NFIA: variants seen among roughly 807,000 people sequenced by gnomAD.
The protein encoded by NFIA is nuclear factor 1 A-type.
NFIA carries 8 observed loss-of-function variants against 62.8 expected under a neutral mutation model. The observed-to-expected ratio is 0.13, with a 90% CI of 0.07 to 0.23. The LOEUF is 0.23. Among genes scored for constraint, NFIA ranks in the 10% least tolerant of loss-of-function variants. The pLI is 1.00. For missense variants in NFIA, 410 were observed against 642.1 expected, an observed-to-expected ratio of 0.64 and a Z score of 3.91; for synonymous variants, 235 against 238.1, an observed-to-expected ratio of 0.99 and a Z score of 0.12.
chr1:61,190,937 T>C (rs1651571183), intron 2 of NFIA, among the ~76,000 whole-genome samples: 1 of 152,172 alleles, frequency 6.6e-6, no homozygotes, highest in South Asian at 2.1e-4. Context: ...TCTGGTACTA[T>C]AAAAAGCCAA....
chr1:61,413,615 CTTTTTTTTTTTTTTT>C (rs869258274), intron 9 of NFIA, among the ~76,000 whole-genome samples: 1 of 68,374 alleles, frequency 1.5e-5, no homozygotes, highest in Admixed American at 2.3e-4. Context: ...AAGTATTTTG[CTTTTTTTTTTTTTTT>C]TTTTTTTTTT....
intron 2 of NFIA, among the ~76,000 whole-genome samples, chr1:61,141,559 A>G (rs1436650011): frequency 6.6e-6 from 1 of 152,238 alleles, no homozygotes; most frequent in African/African-American, 2.4e-5. Flanking sequence ...TGAGCTATTT[A>G]GCACGAAGTG....
chr1:61,386,171 A>G (rs1309924220), intron 7 of NFIA, among the ~76,000 whole-genome samples: 1 of 152,222 alleles, frequency 6.6e-6, no homozygotes, highest in Non-Finnish European at 1.5e-5. Flanking sequence ...GCTTGGAATG[A>G]TACCACATTT....
At chr1:61,232,617 G>A (rs1654747629) in intron 2 of NFIA, among the ~76,000 whole-genome samples, 1 of 152,092 alleles carries the variant, frequency 6.6e-6, no homozygotes, top group Non-Finnish European at 1.5e-5. Context: ...TTTCAAACTT[G>A]CTGGCCTGTA....
intron 9 of NFIA, among the ~76,000 whole-genome samples, chr1:61,422,606 G>A (rs367651023): frequency 3.3e-5 from 5 of 152,138 alleles, no homozygotes; most frequent in East Asian, 3.9e-4. Context: ...CGTAGAGGCC[G>A]TTCAGTCCTC....
At chr1:61,191,129 G>T (rs1651587394) in intron 2 of NFIA, among the ~76,000 whole-genome samples, 1 of 151,412 alleles carries the variant, frequency 6.6e-6, no homozygotes, top group Non-Finnish European at 1.5e-5. Context: ...ACAATGCTTA[G>T]CTACATTAAT....
At chr1:61,121,122 T>C (rs1646880279) in intron 2 of NFIA, among the ~76,000 whole-genome samples, 1 of 152,228 alleles carries the variant, frequency 6.6e-6, no homozygotes, top group Admixed American at 6.5e-5. Context: ...GGACAGCGTG[T>C]GACTTGTGTA....
intron 2 of NFIA, among the ~76,000 whole-genome samples, chr1:61,238,962 A>G (rs144531664): frequency 1.1e-4 from 17 of 152,342 alleles, no homozygotes; most frequent in African/African-American, 4.1e-4. Flanking sequence ...TTTCTTTTCC[A>G]TAAATTGATT....
chr1:61,370,520 G>A (rs76276668), intron 6 of NFIA, among the ~76,000 whole-genome samples: 12,102 of 152,196 alleles, frequency 0.08, 566 homozygotes, highest in Middle Eastern at 0.12. Flanking sequence ...GAATGGCAAA[G>A]CTCATTAAAT....
chr1:61,443,820 C>T (rs1034279711), intron 10 of NFIA, among the ~76,000 whole-genome samples: 1 of 152,196 alleles, frequency 6.6e-6, no homozygotes, highest in Admixed American at 6.5e-5. Flanking sequence ...TTTCTCTGAA[C>T]TCCTTGACCC....
intron 2 of NFIA, among the ~76,000 whole-genome samples, chr1:61,183,274 G>A (rs556182393): frequency 6.6e-6 from 1 of 152,312 alleles, no homozygotes; most frequent in African/African-American, 2.4e-5. Context: ...TGGGAATTGG[G>A]AGGTTTGTAG....
chr1:61,216,976 G>A (rs558671743), intron 2 of NFIA, among the ~76,000 whole-genome samples: 1 of 151,408 alleles, frequency 6.6e-6, no homozygotes, highest in Admixed American at 6.6e-5. Context: ...CTCCAGCCTG[G>A]GTGACAGAAT....
chr1:61,315,708 T>G (rs893932232), intron 3 of NFIA, among the ~76,000 whole-genome samples: 6 of 152,238 alleles, frequency 3.9e-5, no homozygotes, highest in African/African-American at 1.4e-4. Flanking sequence ...GTTGACATTA[T>G]GTAGCCTGTT....
At chr1:61,162,114 A>G (rs1474788555) in intron 2 of NFIA, among the ~76,000 whole-genome samples, 3 of 152,218 alleles carry the variant, frequency 2.0e-5, no homozygotes, top group South Asian at 2.1e-4. Flanking sequence ...ACATGTATTT[A>G]TTTTTTTAAG....
At chr1:61,350,843 T>C (rs1662512970) in intron 4 of NFIA, among the ~76,000 whole-genome samples, 1 of 152,194 alleles carries the variant, frequency 6.6e-6, no homozygotes, top group Non-Finnish European at 1.5e-5. Flanking sequence ...CTTTTAACAT[T>C]GTTTCCAGGC....
chr1:61,122,077 T>C (rs1372996677), intron 2 of NFIA, among the ~76,000 whole-genome samples: 2 of 152,210 alleles, frequency 1.3e-5, no homozygotes, highest in Admixed American at 6.5e-5. Flanking sequence ...CTACATAAAA[T>C]GTATATTTTG....
intron 6 of NFIA, among the ~76,000 whole-genome samples, chr1:61,381,541 A>G (rs1186187986): frequency 6.6e-6 from 1 of 152,180 alleles, no homozygotes; most frequent in Admixed American, 6.5e-5. Flanking sequence ...CAAATTGTCA[A>G]ATTAGTATGA....
At chr1:61,157,138 A>G (rs1434389000) in intron 2 of NFIA, among the ~76,000 whole-genome samples, 1 of 152,268 alleles carries the variant, frequency 6.6e-6, no homozygotes, top group Non-Finnish European at 1.5e-5. Context: ...AGATTCTGGT[A>G]TCATATCCAA....
In NFIA at chr1:61,456,382, A is replaced by AC. The variant is rs1187976850; in HGVS notation, c.*1062_*1063insC. The AC allele has an allele frequency of 1.3e-5, 2 of 151,888 alleles. No individual in the cohort carries two copies. Among genetic ancestry groups the AC allele is most frequent in the East Asian group, 1.9e-4 (1 of 5,178 alleles). The allele number at this position is 151,888 out of a possible 1,614,324, so 9.4% of individuals were successfully genotyped here. A position where few individuals can be genotyped will look rare whatever the true frequency, so the allele number is the denominator to read the frequency against. ...TAAAAACTGAAGGAAATTAAAAAAA[A>AC]AAAACAAAAAAACAAATCTAATGGT... On this transcript the variant is annotated 3_prime_UTR_variant, in exon 11 of 11. Transcript: ENST00000403491.
Sources: gnomAD v4.1 joint callset for allele counts (sites outside exome capture counted in the v4.1 genomes callset) on GRCh38, gnomAD v4.1.1 for gene constraint, MANE v1.5 for transcripts, NCBI Gene and HGNC (gene_info 2026-07-23, HGNC 2026-07-21) for gene names.